The following CPXM2 variants were observed in gnomAD, a reference collection of about 807,000 sequenced individuals.
CPXM2 encodes inactive carboxypeptidase-like protein X2.
Under a neutral mutation model 86.1 loss-of-function variants are expected in CPXM2, and 66 were observed. The ratio of observed to expected loss-of-function variants is 0.77; its 90% CI spans 0.63 to 0.94. CPXM2 has a LOEUF of 0.94. CPXM2 is among the 40% of genes least tolerant of loss of function. CPXM2 has a pLI of 0.00. For missense variants in CPXM2, 948 were observed against 1,026.3 expected (o/e 0.92, Z 1.04); for synonymous variants, 388 against 400.2 (o/e 0.97, Z 0.36).
Position 123,891,561 on chromosome 10 carries a change from A to G in CPXM2, c.99T>C (p.Pro33=), listed in dbSNP as rs1202771972. The G allele has an allele frequency of 1.7e-5, 27 of 1,545,554 alleles. No individual in the cohort carries two copies. In the East Asian group the frequency reaches 5.9e-4, roughly 34 times the overall value. The part of the protein sequence containing the change: ...VGAQGAALED[P]DYYGQEIWSR... ...TCCAGATCTCCTGCCCGTAATAATC[A>G]GGGTCCTCGAGGGCTGCGCCCTGGG... Residue 33 remains proline, a synonymous_variant, in exon 1 of 14, where the codon CCT becomes CCC. Transcript: ENST00000241305. This position sits in a 1 kb window ranked among gnomAD's most constrained non-coding sequence, Gnocchi z 5.6.
chr10:123,854,859 A>T (rs1026422509), intron 3 of CPXM2, among the ~76,000 whole-genome samples: 28 of 152,140 alleles, frequency 1.8e-4, no homozygotes, highest in African/African-American at 6.3e-4. Flanking sequence ...ATTTAATAAC[A>T]TATTAAAGAA....
chr10:123,756,244 G>GA (rs11385647), intron 12 of CPXM2, among the ~76,000 whole-genome samples: 2,340 of 152,248 alleles, frequency 0.015, 56 homozygotes, highest in African/African-American at 0.053. Flanking sequence ...TTAACACTTA[G>GA]AAAAAAACAG....
At chr10:123,903,022 A>T (rs1945398495) in intron 2 of CPXM2, among the ~76,000 whole-genome samples, 1 of 152,134 alleles carries the variant, frequency 6.6e-6, no homozygotes, top group African/African-American at 2.4e-5. Context: ...CACAGCAAAC[A>T]CCTACTTGCA....
intron 3 of CPXM2, among the ~76,000 whole-genome samples, chr10:123,853,423 C>T (rs559912101): frequency 6.6e-6 from 1 of 152,228 alleles, no homozygotes; most frequent in South Asian, 2.1e-4. Context: ...GTCATTTAGG[C>T]ATCCTCAGCA....
At chr10:123,902,160 C>T (rs1436884430) in intron 2 of CPXM2, among the ~76,000 whole-genome samples, 34 of 152,124 alleles carry the variant, frequency 2.2e-4, no homozygotes, top group Admixed American at 2.2e-3. Context: ...TTTTATATTT[C>T]AGTATATAAA....
intron 3 of CPXM2, among the ~76,000 whole-genome samples, chr10:123,852,609 TC>T (rs1319394748): frequency 6.6e-6 from 1 of 152,214 alleles, no homozygotes; most frequent in African/African-American, 2.4e-5. Context: ...CCTAATTGGC[TC>T]ACGGCTAAAA....
rs1431527812 is a variant in CPXM2 at position 123,830,870 on chromosome 10, C to CTG, written c.653+11478_653+11479insCA. Among the ~76,000 whole-genome samples, 87 of 102,674 alleles carry CTG rather than the reference C, an allele frequency of 8.5e-4. No individual in the cohort carries two copies. In the East Asian group the frequency reaches 0.022, roughly 26 times the overall value. 67.4% of individuals were successfully genotyped at this position (102,674 alleles called of 152,430 possible). On this transcript the variant is annotated intron_variant, in intron 4 of 13. Transcript: ENST00000241305. ...TGCACTCATCTCTCTCTCTCTCTCT[C>CTG]TCTGTGTGTGTGTGTGTGTGTGTGT...
intron 2 of CPXM2, among the ~76,000 whole-genome samples, chr10:123,897,112 T>C (rs1311396733): frequency 1.4e-5 from 2 of 140,060 alleles, no homozygotes; most frequent in Admixed American, 1.5e-4. Flanking sequence ...GGCTGGATCC[T>C]TGGGCTTCCC....
Position 123,891,779 on chromosome 10 carries a change from G to C in CPXM2, c.-120C>G. The C allele has an allele frequency of 1.6e-6, 1 of 625,694 alleles. No individual in the cohort carries two copies. The highest frequency in any genetic ancestry group is 2.0e-5 in the African/African-American group (1 of 51,192). The allele number at this position is 625,694 out of a possible 1,614,324, so 38.8% of individuals were successfully genotyped here. A position where few individuals can be genotyped will look rare whatever the true frequency, so the allele number is the denominator to read the frequency against. ...GCACAGCAGAGCGGCGCGCTTGGGC[G>C]CGGGAGGCGGCCGGCTGGCTGCGCG... On this transcript the variant is annotated 5_prime_UTR_variant, in exon 1 of 14. Coordinates refer to ENST00000241305, the MANE Select transcript of CPXM2 (RefSeq NM_198148.3). The surrounding 1 kb of genome is among the most constrained non-coding windows in gnomAD (Gnocchi z 5.6).
upstream of CPXM2, chr10:123,891,834 T>C (rs1590107447): frequency 1.5e-5 from 3 of 206,380 alleles, no homozygotes; most frequent in Non-Finnish European, 2.6e-5. The surrounding 1 kb of genome is among the most constrained non-coding windows in gnomAD (Gnocchi z 5.6). Context: ...TGGGCTGGGC[T>C]GGGCCGGGGC....
rs551720526 is a variant in CPXM2 at position 123,752,720 on chromosome 10, T to G, written c.2017+1943A>C. ...AGGAAGGAGCACCAGATTTGAAGTC[T>G]CCAGTGCTTGGCTCAAATCATAGCT... On this transcript the variant is annotated intron_variant, in intron 13 of 13. Transcript: ENST00000241305. 4 of 585,530 alleles carry G rather than the reference T, an allele frequency of 6.8e-6. No homozygotes were observed. In the South Asian group the frequency reaches 3.0e-4, roughly 45 times the overall value. The allele number at this position is 585,530 out of a possible 1,614,324, so 36.3% of individuals were successfully genotyped here.
In CPXM2 at chr10:123,861,055, C is replaced by CA. The variant is rs113141516; in HGVS notation, c.513+1558dup. Among the ~76,000 whole-genome samples, 244 of 152,222 alleles carry CA rather than the reference C, an allele frequency of 1.6e-3. 3 individuals carry two copies. Among genetic ancestry groups the CA allele is most frequent in the Middle Eastern group, 6.8e-3 (2 of 294 alleles). ...AGTCAGAGCTTGGCTCAGATGCCCC[C>CA]AATCCCATGAGCTCCCTGGGAAGGA... On this transcript the variant is annotated intron_variant, in intron 3 of 13. Coordinates refer to ENST00000241305, the MANE Select transcript of CPXM2 (RefSeq NM_198148.3).
intron 1 of CPXM2, among the ~76,000 whole-genome samples, chr10:123,890,896 G>A (rs937636358): frequency 6.6e-6 from 1 of 152,156 alleles, no homozygotes; most frequent in Non-Finnish European, 1.5e-5. Context: ...GAAGGGACAC[G>A]ACTGGGTAAA....
At chr10:123,775,281 C>A (rs541170689) in intron 7 of CPXM2, among the ~76,000 whole-genome samples, 2 of 152,244 alleles carry the variant, frequency 1.3e-5, no homozygotes, top group Non-Finnish European at 1.5e-5. Flanking sequence ...CCTGCTGATG[C>A]AGTCATTCTC....
intron 4 of CPXM2, among the ~76,000 whole-genome samples, chr10:123,816,389 C>T (rs968031568): frequency 1.3e-5 from 2 of 152,174 alleles, no homozygotes; most frequent in African/African-American, 4.8e-5. Context: ...AGAGCTGCCT[C>T]TACCTAGAAA....
intron 1 of CPXM2, chr10:123,887,052 A>T (rs563455098): frequency 6.6e-6 from 1 of 152,212 alleles, no homozygotes; most frequent in Non-Finnish European, 1.5e-5. Context: ...GCAGGGATCT[A>T]GAAACTGTCA....
At chr10:123,942,192 C>T (rs1354027937), upstream of CPXM2, among the ~76,000 whole-genome samples, 9 of 152,280 alleles carry the variant, frequency 5.9e-5, no homozygotes, top group East Asian at 1.9e-4. Flanking sequence ...AGCTTTGGAT[C>T]TATAGTCATG....
chr10:123,929,299 C>T (rs533391977), intron 2 of CPXM2, among the ~76,000 whole-genome samples: 12 of 152,150 alleles, frequency 7.9e-5, no homozygotes, highest in South Asian at 2.1e-4. Context: ...GGCCAGACCC[C>T]GGGCCCATGG....
intron 2 of CPXM2, among the ~76,000 whole-genome samples, chr10:123,877,835 C>T (rs1168581735): frequency 6.6e-6 from 1 of 150,956 alleles, no homozygotes; most frequent in Non-Finnish European, 1.5e-5. Flanking sequence ...CAGCCATGTA[C>T]ATGTTCTCTT....
Sources: gnomAD v4.1 joint callset for allele counts (sites outside exome capture counted in the v4.1 genomes callset) on GRCh38, gnomAD v4.1.1 for gene constraint, Gnocchi (gnomAD v3.1) non-coding constraint, MANE v1.5 for transcripts, NCBI Gene and HGNC (gene_info 2026-07-23, HGNC 2026-07-21) for gene names.